KCNH8: variants seen among roughly 807,000 people sequenced by gnomAD.
KCNH8 encodes the protein voltage-gated delayed rectifier potassium channel KCNH8.
Under a neutral mutation model 103.6 loss-of-function variants are expected in KCNH8, and 70 were observed. The observed-to-expected ratio is 0.68, with a 90% confidence interval of 0.56 to 0.82. The LOEUF is 0.82. KCNH8 is among the 40% of genes least tolerant of loss of function. The probability of loss-of-function intolerance (pLI) is 0.00; values close to 1 mark genes in which losing one functional copy is unlikely to be tolerated. For missense variants in KCNH8, 1,217 were observed against 1,329.9 expected (o/e 0.92, Z 1.32); for synonymous variants, 498 against 489.4 (o/e 1.02, Z -0.23).
intron 3 of KCNH8, among the ~76,000 whole-genome samples, chr3:19,293,418 C>G (rs2064956690): frequency 1.3e-5 from 2 of 152,134 alleles, no homozygotes; most frequent in African/African-American, 2.4e-5. Flanking sequence ...ATTTAAAATC[C>G]TTACTATTCA....
chr3:19,529,713 G>A (rs2069127696), intron 15 of KCNH8, among the ~76,000 whole-genome samples: 1 of 152,108 alleles, frequency 6.6e-6, no homozygotes, highest in Non-Finnish European at 1.5e-5. Context: ...CTACTTCTAG[G>A]AAATGCCATC....
chr3:19,453,385 T>C (rs751629495), intron 10 of KCNH8, among the ~76,000 whole-genome samples: 6 of 152,170 alleles, frequency 3.9e-5, no homozygotes, highest in Non-Finnish European at 7.4e-5. Context: ...ATATAATCAT[T>C]GTAGGCCTTC....
At chr3:19,222,807 G>A (rs775300908) in intron 1 of KCNH8, among the ~76,000 whole-genome samples, 43 of 152,110 alleles carry the variant, frequency 2.8e-4, no homozygotes, top group Admixed American at 5.2e-4. Flanking sequence ...TAGGATGAAG[G>A]CTATAGGATA....
chr3:19,303,312 C>T (rs1265978886), intron 3 of KCNH8, among the ~76,000 whole-genome samples: 1 of 152,050 alleles, frequency 6.6e-6, no homozygotes, highest in Admixed American at 6.6e-5. Flanking sequence ...AAGACATAAA[C>T]CCACAGGTTA....
chr3:19,323,403 C>T lies in KCNH8; in HGVS notation c.443-19184C>T, dbSNP rs186647677. On this transcript the variant is annotated intron_variant, in intron 3 of 15. Coordinates refer to ENST00000328405, the MANE Select transcript of KCNH8 (RefSeq NM_144633.3). ...GGCAGAGCTTGCAGTGAGCTGAGAT[C>T]GCACCACTGCACTCCAGCCTGGGTG... is the stretch of plus-strand genomic sequence containing the variant. Among the ~76,000 whole-genome samples, 442 of 151,968 alleles carry T rather than the reference C, an allele frequency of 2.9e-3. 2 individuals are homozygous for T. The highest frequency in any genetic ancestry group is 4.3e-3 in the Non-Finnish European group (294 of 67,986).
chr3:19,292,612 G>A (rs1323476864), intron 3 of KCNH8, among the ~76,000 whole-genome samples: 1 of 152,178 alleles, frequency 6.6e-6, no homozygotes, highest in African/African-American at 2.4e-5. Flanking sequence ...CAAAGAGCAT[G>A]GGACTGCGCA....
At chr3:19,352,418 A>AT (rs1287254927) in intron 5 of KCNH8, among the ~76,000 whole-genome samples, 3 of 152,216 alleles carry the variant, frequency 2.0e-5, no homozygotes, top group Non-Finnish European at 4.4e-5. Flanking sequence ...ACCCCAAATC[A>AT]ACAGAATATA....
intron 2 of KCNH8, among the ~76,000 whole-genome samples, chr3:19,266,367 T>C (rs1248060372): frequency 1.3e-5 from 2 of 152,142 alleles, no homozygotes; most frequent in African/African-American, 4.8e-5. Context: ...GCCTTTGTAC[T>C]CGGTGTTCCC....
At chr3:19,309,238 G>T (rs1410623554) in intron 3 of KCNH8, among the ~76,000 whole-genome samples, 1 of 151,876 alleles carries the variant, frequency 6.6e-6, no homozygotes, top group East Asian at 1.9e-4. Flanking sequence ...GAGAGACTGG[G>T]GTTTCCCTGT....
chr3:19,360,787 C>T (rs115394196), intron 5 of KCNH8, among the ~76,000 whole-genome samples: 2,058 of 151,954 alleles, frequency 0.014, 40 homozygotes, highest in African/African-American at 0.046. Context: ...AGGGCTGTAG[C>T]GTTAGGATAC....
At chr3:19,291,147 A>G (rs900402162) in intron 3 of KCNH8, among the ~76,000 whole-genome samples, 47 of 151,904 alleles carry the variant, frequency 3.1e-4, no homozygotes, top group Non-Finnish European at 6.3e-4. Flanking sequence ...CTTCTTTATT[A>G]GTCTTGCTAG....
At chr3:19,428,241 C>T (rs2067058167) in intron 7 of KCNH8, among the ~76,000 whole-genome samples, 2 of 152,234 alleles carry the variant, frequency 1.3e-5, no homozygotes, top group East Asian at 3.9e-4. Context: ...GAAAAAAGAT[C>T]ATTACAACAT....
intron 10 of KCNH8, 51 bp downstream of exon 10, chr3:19,451,455 TAAG>T: frequency 6.4e-7 from 1 of 1,570,212 alleles, no homozygotes; most frequent in Non-Finnish European, 8.7e-7. Flanking sequence ...GAGCATAAAT[TAAG>T]AAGATGAAAT....
chr3:19,521,799 T>C (rs1212730908), intron 15 of KCNH8, among the ~76,000 whole-genome samples: 4 of 152,006 alleles, frequency 2.6e-5, no homozygotes, highest in African/African-American at 9.7e-5. Flanking sequence ...AAAAAACATT[T>C]ATTCTGTAAG....
At chr3:19,208,692 G>A (rs1171152649) in intron 1 of KCNH8, among the ~76,000 whole-genome samples, 1 of 151,974 alleles carries the variant, frequency 6.6e-6, no homozygotes, top group Non-Finnish European at 1.5e-5. Flanking sequence ...TAAGTTCGGT[G>A]CAAATGTGGA....
chr3:19,491,292 T>C (rs964188286), intron 11 of KCNH8, among the ~76,000 whole-genome samples: 7 of 152,122 alleles, frequency 4.6e-5, no homozygotes, highest in Admixed American at 2.6e-4. Flanking sequence ...GTAGTGAGCA[T>C]AGTACCCAAC....
chr3:19,337,366 G>A lies in KCNH8; in HGVS notation c.443-5221G>A, dbSNP rs538968382. ...CTAATACATGATGTTTTGTTCAGAA[G>A]TCCTAACTCAGTGGAGTCTAATCAT... On this transcript the variant is annotated intron_variant, in intron 3 of 15. Transcript: ENST00000328405. Among the ~76,000 whole-genome samples the A allele has an allele frequency of 7.9e-5, 12 of 152,148 alleles. No homozygotes were observed. In the South Asian group the frequency reaches 2.1e-3, roughly 26 times the overall value.
At chr3:19,533,055 T>A (rs1473361363) in intron 15 of KCNH8, among the ~76,000 whole-genome samples, 1 of 151,774 alleles carries the variant, frequency 6.6e-6, no homozygotes, top group East Asian at 1.9e-4. Flanking sequence ...ATACAAAAAA[T>A]TAGCTGCACG....
chr3:19,419,988 A>C (rs974751722), intron 7 of KCNH8, among the ~76,000 whole-genome samples: 3 of 152,164 alleles, frequency 2.0e-5, no homozygotes, highest in Non-Finnish European at 2.9e-5. Context: ...GACAATTTTT[A>C]AGAATGTGTG....
Sources: gnomAD v4.1 joint callset for allele counts (sites outside exome capture counted in the v4.1 genomes callset) on GRCh38, gnomAD v4.1.1 for gene constraint, MANE v1.5 for transcripts, NCBI Gene and HGNC (gene_info 2026-07-23, HGNC 2026-07-21) for gene names.